The following SNAPC2 variants were observed in gnomAD, a reference collection of about 807,000 sequenced individuals.
The protein encoded by SNAPC2 is small nuclear RNA activating complex polypeptide 2, also known as snRNA-activating protein complex subunit 2.
Under a neutral mutation model 22.9 loss-of-function variants are expected in SNAPC2, and 27 were observed. The observed-to-expected ratio is 1.18, with a 90% CI of 0.87 to 1.63. The LOEUF (loss-of-function observed/expected upper bound fraction) is 1.63, where lower values mean the gene tolerates loss of function less well. SNAPC2 is among the 40% of genes most tolerant of loss of function. The pLI, the probability that SNAPC2 is intolerant of heterozygous loss-of-function variation, is 0.00. For missense variants in SNAPC2, 570 were observed against 449.1 expected (o/e 1.27, Z -2.43); for synonymous variants, 272 against 201.0 (o/e 1.35, Z -2.99).
rs1983601235 is a variant in SNAPC2, at chr19:7,922,176, C to T, written c.514C>T (p.Pro172Ser). 1 of 1,614,120 alleles carries T rather than the reference C, an allele frequency of 6.2e-7. No homozygotes were observed. Among genetic ancestry groups the T allele is most frequent in the Non-Finnish European group, 8.5e-7 (1 of 1,180,016 alleles). The change falls in exon 4 of 5, where the codon CCT becomes TCT. Residue 172 changes from proline (P) to serine (S), a missense_variant. By Grantham distance (74) the Pro-to-Ser change is moderately conservative. Transcript: ENST00000221573. ...CGCCCCTGAAATACCTAGCTCTGCC[C>T]CTGCTGCACCTAGCTCCGCACCCAG... ...DPAPEIPSSA[P>S]AAPSSAPRTP...
Position 7,922,750 on chromosome 19 carries a change from AC to A in SNAPC2, c.995del (p.Pro332LeufsTer50). ...VPLELLGRAA[T>X]PAR ...CCTGGAGCTTCTGGGTCGGGCAGCCACCCCTGCCAGGTGAGGGGCATGGCGG... is the reference window on the plus strand; with the variant it reads ...CCTGGAGCTTCTGGGTCGGGCAGCCACCCTGCCAGGTGAGGGGCATGGCGG... On this transcript the variant is annotated frameshift_variant, in exon 5 of 5. Coordinates refer to ENST00000221573, the MANE Select transcript of SNAPC2 (RefSeq NM_003083.4). LOFTEE classifies it high-confidence loss of function. 2 of 1,586,454 alleles carry A rather than the reference AC, an allele frequency of 1.3e-6. No homozygotes were observed.
chr19:7,920,664 G>C (rs1329325551), intron 1 of SNAPC2, 115 bp downstream of exon 1: 2 of 646,780 alleles, frequency 3.1e-6, no homozygotes, highest in Non-Finnish European at 4.8e-6. Flanking sequence ...GTAAGCGAGC[G>C]GGGGCGTGGC....
chr19:7,922,430 T>G lies in SNAPC2; in HGVS notation c.686-15T>G, dbSNP rs2145163098. The G allele has an allele frequency of 6.3e-7, 1 of 1,581,588 alleles. No individual in the cohort carries two copies. The highest frequency in any genetic ancestry group is 1.3e-5 in the African/African-American group (1 of 74,270). On this transcript the variant is annotated splice_polypyrimidine_tract_variant and intron_variant, in intron 4 of 4. Coordinates refer to ENST00000221573, the MANE Select transcript of SNAPC2 (RefSeq NM_003083.4). ...CAGGGGTGTCCCCTTACCCCTCTCC[T>G]CCATCCATCACTAGAGTCCGCTGTG...
At chr19:7,921,960 G>A in intron 3 of SNAPC2, 75 bp from the exon 4 acceptor site, 1 of 1,495,198 alleles carries the variant, frequency 6.7e-7, no homozygotes, top group Non-Finnish European at 9.1e-7. Context: ...TAGGGTGGCA[G>A]GGAGGATGGG....
intron 1 of SNAPC2, chr19:7,921,004 C>A: frequency 8.8e-7 from 1 of 1,131,756 alleles, no homozygotes; most frequent in Non-Finnish European, 1.1e-6. Flanking sequence ...CGGGGCGAGC[C>A]TCGGGGTAAT....
chr19:7,922,423 C>T, intron 4 of SNAPC2, 22 bp from the exon 5 acceptor site: 4 of 1,581,826 alleles, frequency 2.5e-6, no homozygotes, highest in Non-Finnish European at 3.4e-6. Context: ...TCCCCTTACC[C>T]CTCTCCTCCA....
At position 7,921,719 on chromosome 19, in the gene SNAPC2, G is replaced by C. The variant is rs772418257; in HGVS notation, c.318G>C (p.Leu106=). Residue 106 remains leucine, a synonymous_variant, in exon 3 of 5, where the codon CTG becomes CTC. Transcript: ENST00000221573. ...PPAPIEVWTD[L]AEKITGPLEE... The stretch of plus-strand genomic sequence containing the variant: ...GCTTCACTCAGGTCTGGACGGATCT[G>C]GCTGAGAAGATAACAGGGCCACTGG... 2 of 1,613,648 alleles carry C rather than the reference G, an allele frequency of 1.2e-6. No individual in the cohort carries two copies. Among genetic ancestry groups the C allele is most frequent in the African/African-American group, 1.3e-5 (1 of 74,904 alleles).
Position 7,922,298 on chromosome 19 carries a change from C to G in SNAPC2, c.636C>G (p.Tyr212Ter), listed in dbSNP as rs199732008. 6.2e-7 allele frequency: 1 copy of G among 1,613,970 alleles called. No individual in the cohort carries two copies. The highest frequency in any genetic ancestry group is 2.2e-5 in the East Asian group (1 of 44,878). The change falls in exon 4 of 5, where the codon TAC becomes TAG. Residue 212 changes from tyrosine (Y) to a stop codon, truncating the protein, a stop_gained. Transcript: ENST00000221573. LOFTEE classifies it low-confidence loss of function (END_TRUNC). ...TGGACTTTGAGAAGATCTACAAGTA[C>G]TTGTCCTCTGTCTCCCGAAGTGGCC... ...FAVDFEKIYK[Y>*]LSSVSRSGRS...
At position 7,921,474 on chromosome 19, in the gene SNAPC2, C is replaced by A. The variant is rs748854268; in HGVS notation, c.235C>A (p.Gln79Lys). 3 of 1,613,772 alleles carry A rather than the reference C, an allele frequency of 1.9e-6. No homozygotes were observed. The highest frequency in any genetic ancestry group is 2.5e-6 in the Non-Finnish European group (3 of 1,179,888). ...LKGRVAREAIQKVHPGGLQGP... is the reference protein window; with the variant it reads ...LKGRVAREAIKKVHPGGLQGP... ...GGGCCGCGTAGCCCGGGAGGCCATT[C>A]AGAAAGTGCATCCGGGTGGCCTTCA... The change falls in exon 2 of 5, where the codon CAG becomes AAG. Residue 79 changes from glutamine (Q) to lysine (K), a missense_variant. By Grantham distance (53) the Gln-to-Lys change is moderately conservative (BLOSUM62 1). Coordinates refer to ENST00000221573, the MANE Select transcript of SNAPC2 (RefSeq NM_003083.4).
intron 1 of SNAPC2, chr19:7,921,110 C>T (rs566514591): frequency 4.7e-6 from 6 of 1,284,884 alleles, no homozygotes; most frequent in Non-Finnish European, 5.9e-6. Flanking sequence ...GGACAGGATA[C>T]GAGCTTGAAG....
At chr19:7,921,668 A>G (rs1181049009) in intron 2 of SNAPC2, 37 bp from the exon 3 acceptor site, 1 of 1,611,444 alleles carries the variant, frequency 6.2e-7, no homozygotes, top group Non-Finnish European at 8.5e-7. Flanking sequence ...TTGCAGGCTG[A>G]TCCCTGGGCT....
In SNAPC2 at chr19:7,922,633, A is replaced by G; in HGVS notation, c.874A>G (p.Thr292Ala). Reference sequence around the variant, plus strand: ...GGCTGGCTCCAAGGCACCAGAGGAGACCCCCCCAGCCACCGAGAAGGCCGA... The same window carrying G: ...GGCTGGCTCCAAGGCACCAGAGGAGGCCCCCCCAGCCACCGAGAAGGCCGA... ...DGAGSKAPEE[T>A]PPATEKAEHS... Residue 292 changes from threonine to alanine, a missense_variant, in exon 5 of 5, where the codon ACC becomes GCC. Coordinates refer to ENST00000221573, the MANE Select transcript of SNAPC2 (RefSeq NM_003083.4). 2 of 1,596,070 alleles carry G rather than the reference A, an allele frequency of 1.3e-6. No homozygotes were observed. The highest frequency in any genetic ancestry group is 1.7e-6 in the Non-Finnish European group (2 of 1,172,320).
At position 7,920,470 on chromosome 19, in the gene SNAPC2, T is replaced by C; in HGVS notation, c.104T>C (p.Leu35Pro). 1 of 1,534,078 alleles carries C rather than the reference T, an allele frequency of 6.5e-7. No individual in the cohort carries two copies. Among genetic ancestry groups the C allele is most frequent in the Non-Finnish European group, 8.7e-7 (1 of 1,148,798 alleles). Reference sequence around the variant, plus strand: ...CGCGAGAAGCGGCAGCTAGTGCGACTCCTGCAGGCGCGGCAGGGCCAGCCG... The same window carrying C: ...CGCGAGAAGCGGCAGCTAGTGCGACCCCTGCAGGCGCGGCAGGGCCAGCCG... ...SAREKRQLVR[L>P]LQARQGQPEP... Residue 35 changes from leucine (L) to proline (P), a missense_variant, in exon 1 of 5, where the codon CTC becomes CCC. Physicochemically the swap from Leu to Pro is moderately conservative, Grantham distance 98 (BLOSUM62 -3). Transcript: ENST00000221573.
intron 1 of SNAPC2, 50 bp from the exon 2 acceptor site, chr19:7,921,373 G>A: frequency 6.2e-7 from 1 of 1,612,778 alleles, no homozygotes; most frequent in Non-Finnish European, 8.5e-7. Flanking sequence ...CTTCTCTGCT[G>A]CAGCCCTGAG....
rs775905621 is a variant in SNAPC2, at chr19:7,922,553, C to A, written c.794C>A (p.Ala265Asp). 24 of 1,612,946 alleles carry A rather than the reference C, an allele frequency of 1.5e-5. No individual in the cohort carries two copies. In the African/African-American group the frequency reaches 1.6e-4, roughly 11 times the overall value. The change falls in exon 5 of 5, where the codon GCC becomes GAC. Residue 265 changes from alanine to aspartate, a missense_variant. Coordinates refer to ENST00000221573, the MANE Select transcript of SNAPC2 (RefSeq NM_003083.4). ...ACGGAGACGTACCTACGCCTGACAG[C>A]CCCCCAGCCCATTCCCGCTGGAGGG... Reference protein sequence around the residue: ...HMTETYLRLTAPQPIPAGGSL... With the variant: ...HMTETYLRLTDPQPIPAGGSL...
chr19:7,922,385 C>G, intron 4 of SNAPC2, 38 bp downstream of exon 4: 3 of 1,597,576 alleles, frequency 1.9e-6, no homozygotes, highest in Non-Finnish European at 2.6e-6. Flanking sequence ...GCAGAGGGAT[C>G]AAGGGTCCCT....
intron 3 of SNAPC2, 126 bp from the exon 4 acceptor site, chr19:7,921,909 T>A: frequency 7.3e-7 from 1 of 1,361,340 alleles, no homozygotes; most frequent in South Asian, 1.3e-5. Flanking sequence ...CGAGCCTCAG[T>A]GTCCCTGGCT....
Position 7,922,070 on chromosome 19 carries a change from C to G in SNAPC2, c.408C>G (p.Leu136=). The part of the protein sequence containing the change: ...LTIAATEPVT[L]LHSKPPKPTQ... ...TCGCGGCCACGGAACCGGTCACCCT[C>G]CTGCACTCCAAGCCCCCCAAGCCCA... Residue 136 remains leucine, a synonymous_variant, in exon 4 of 5, where the codon CTC becomes CTG. Transcript: ENST00000221573. 6.2e-7 allele frequency: 1 copy of G among 1,613,300 alleles called. No homozygotes were observed. The highest frequency in any genetic ancestry group is 8.5e-7 in the Non-Finnish European group (1 of 1,179,488).
rs750278905 is a variant in SNAPC2 at position 7,920,358 on chromosome 19, C to T, written c.-9C>T. 11 of 1,565,940 alleles carry T rather than the reference C, an allele frequency of 7.0e-6. No homozygotes were observed. The highest frequency in any genetic ancestry group is 9.4e-6 in the Non-Finnish European group (11 of 1,164,272). ...GCGACCTTACAGCGCCTGCCTCTTT[C>T]TGAGCGGCATGAAGCCACCTCCCAG... On this transcript the variant is annotated 5_prime_UTR_variant, in exon 1 of 5. Coordinates refer to ENST00000221573, the MANE Select transcript of SNAPC2 (RefSeq NM_003083.4).
Sources: allele counts gnomAD v4.1 joint callset, GRCh38; gene constraint gnomAD v4.1.1; transcripts MANE v1.5; gene names NCBI Gene and HGNC (gene_info 2026-07-23, HGNC 2026-07-21).